The following TLE6 variants were observed in gnomAD, a reference collection of about 807,000 sequenced individuals.
TLE6 encodes the protein transducin-like enhancer protein 6.
TLE6 carries 72 observed loss-of-function variants against 77.1 expected under a neutral mutation model. That is an observed-to-expected ratio of 0.93 (90% CI 0.77 to 1.14). The LOEUF is 1.14. Among genes scored for constraint, TLE6 ranks in the 50% most tolerant of loss-of-function variants. The probability of loss-of-function intolerance (pLI) is 0.00; values close to 1 mark genes in which losing one functional copy is unlikely to be tolerated. For synonymous variants in TLE6, 366 were observed against 287.3 expected (o/e 1.27, Z -2.77); for missense variants, 843 against 747.6 (o/e 1.13, Z -1.49).
rs755562689 is a variant in TLE6 at position 2,989,348 on chromosome 19, T to C, written c.993+35T>C. On this transcript the variant is annotated intron_variant, in intron 12 of 16. Coordinates refer to ENST00000246112, the MANE Select transcript of TLE6 (RefSeq NM_001143986.2). Reference sequence around the variant, plus strand: ...GCCTTGGTTTCCAGGGATGCAGGGCTTCTGGGAACAGGGGGTTTGAGGTTT... The same window carrying C: ...GCCTTGGTTTCCAGGGATGCAGGGCCTCTGGGAACAGGGGGTTTGAGGTTT... 5 of 1,607,066 alleles carry C rather than the reference T, an allele frequency of 3.1e-6. No individual in the cohort carries two copies. The East Asian group carries it at 6.7e-5, about 22-fold the overall frequency.
intron 8 of TLE6, 127 bp downstream of exon 8, chr19:2,987,499 C>CGG (rs1234766183): frequency 7.1e-7 from 1 of 1,409,950 alleles, no homozygotes; most frequent in Admixed American, 1.7e-5. Context: ...TCGGGTCCCC[C>CGG]GGGGGGGACT....
At chr19:2,988,544 G>A (rs1427400876) in intron 11 of TLE6, among the ~76,000 whole-genome samples, 1 of 152,088 alleles carries the variant, frequency 6.6e-6, no homozygotes, top group African/African-American at 2.4e-5. Context: ...GTTGCAGTGA[G>A]TTGAGATCGC....
chr19:2,983,673 T>G (rs1048973281), intron 5 of TLE6, among the ~76,000 whole-genome samples: 1 of 151,382 alleles, frequency 6.6e-6, no homozygotes, highest in African/African-American at 2.4e-5. Flanking sequence ...CAGGGAGGAC[T>G]TGGGCTTTGA....
rs2145046477 is a variant in TLE6, at chr19:2,988,174, G to A, written c.740+46G>A. On this transcript the variant is annotated intron_variant, in intron 11 of 16. Coordinates refer to ENST00000246112, the MANE Select transcript of TLE6 (RefSeq NM_001143986.2). ...CTTTTGGGCGGGGTGAGGGGCAGCG[G>A]GAATTCCTTCCTGTCTATACCTCTG... 1.9e-6 allele frequency: 3 copies of A among 1,539,362 alleles called. No individual in the cohort carries two copies. The East Asian group carries it at 7.3e-5, about 38-fold the overall frequency.
In TLE6 at chr19:2,978,277, G is replaced by C; in HGVS notation, c.44G>C (p.Ser15Thr). ...DQPRPKGPPK[S>T]TSPCPGISNS... Reference sequence around the variant, plus strand: ...CCCAGACCCAAGGGCCCCCCGAAAAGCACTTCGGTGAGGAGGGCATGTGGT... The same window carrying C: ...CCCAGACCCAAGGGCCCCCCGAAAACCACTTCGGTGAGGAGGGCATGTGGT... Residue 15 changes from serine to threonine, a missense_variant, in exon 2 of 17, where the codon AGC becomes ACC. Ser to Thr is a moderately conservative substitution (Grantham distance 58). Coordinates refer to ENST00000246112, the MANE Select transcript of TLE6 (RefSeq NM_001143986.2). The C allele has an allele frequency of 2.6e-6, 4 of 1,551,462 alleles. No individual in the cohort carries two copies. The highest frequency in any genetic ancestry group is 3.5e-6 in the Non-Finnish European group (4 of 1,146,974).
At chr19:2,978,754 A>T (rs2088731440) in intron 2 of TLE6, among the ~76,000 whole-genome samples, 1 of 151,310 alleles carries the variant, frequency 6.6e-6, no homozygotes, top group African/African-American at 2.4e-5. Context: ...GATCCCATCT[A>T]AAAAAAAATG....
chr19:2,978,409 C>A (rs975842697), intron 2 of TLE6, 125 bp downstream of exon 2: 7 of 897,188 alleles, frequency 7.8e-6, no homozygotes, highest in South Asian at 3.1e-5. Context: ...CAATACTGGT[C>A]GCTGCTACAC....
rs2088798393 is a variant in TLE6 at position 2,981,560 on chromosome 19, G to A, written c.157G>A (p.Glu53Lys). Residue 53 changes from glutamate (E) to lysine (K), a missense_variant, in exon 4 of 17, where the codon GAG becomes AAG. Transcript: ENST00000246112. Reference sequence around the variant, plus strand: ...CAGGTTTTCTCCTCATTTTGCTGCGGAGTTGGAGAGCATTTACTACTCGGT... The same window carrying A: ...CAGGTTTTCTCCTCATTTTGCTGCGAAGTTGGAGAGCATTTACTACTCGGT... Reference protein sequence around the residue: ...FPRFSPHFAAELESIYYSLHK... With the variant: ...FPRFSPHFAAKLESIYYSLHK... The A allele has an allele frequency of 1.3e-6, 2 of 1,551,466 alleles. No individual in the cohort carries two copies. The highest frequency in any genetic ancestry group is 3.9e-5 in the Admixed American group (2 of 50,954).
intron 3 of TLE6, among the ~76,000 whole-genome samples, chr19:2,980,738 T>TAA (rs751491532): frequency 6.4e-4 from 68 of 106,332 alleles, no homozygotes; most frequent in African/African-American, 1.9e-3. Flanking sequence ...ACTCGGTCTT[T>TAA]AAAAAAAAAA....
intron 3 of TLE6, 111 bp downstream of exon 3, chr19:2,980,293 C>T (rs2088772129): frequency 3.7e-6 from 3 of 821,438 alleles, no homozygotes; most frequent in Non-Finnish European, 3.8e-6. Flanking sequence ...AAGAGCCAGG[C>T]TCAGGAACAG....
intron 5 of TLE6, among the ~76,000 whole-genome samples, chr19:2,983,509 TATTTCAGGC>T (rs1351038632): frequency 6.6e-6 from 1 of 152,066 alleles, no homozygotes; most frequent in African/African-American, 2.4e-5. Flanking sequence ...ATGGGAGGGA[TATTTCAGGC>T]AGAGGGCACA....
intron 2 of TLE6, among the ~76,000 whole-genome samples, chr19:2,979,227 T>C (rs577675117): frequency 6.6e-6 from 1 of 151,290 alleles, no homozygotes; most frequent in South Asian, 2.1e-4. Flanking sequence ...GCTGGGGTTA[T>C]AGGTGTGAGC....
rs2089072592 is a variant in TLE6, at chr19:2,991,837, G to A, written c.1245-6G>A. The A allele has an allele frequency of 1.2e-6, 2 of 1,613,546 alleles. No individual in the cohort carries two copies. Among genetic ancestry groups the A allele is most frequent in the Non-Finnish European group, 1.7e-6 (2 of 1,179,726 alleles). ...CTGATTGCCTCCCGATGTCCCTTCT[G>A]GCCAGGGACCTCAAGGGTTATCCTG... On this transcript the variant is annotated splice_polypyrimidine_tract_variant and splice_region_variant and intron_variant, in intron 13 of 16. Coordinates refer to ENST00000246112, the MANE Select transcript of TLE6 (RefSeq NM_001143986.2).
At chr19:2,991,047 TGTATAC>T (rs2089043319) in intron 13 of TLE6, among the ~76,000 whole-genome samples, 1 of 129,664 alleles carries the variant, frequency 7.7e-6, no homozygotes. Flanking sequence ...CATACATATA[TGTATAC>T]ACACACACAT....
rs1216312443 is a variant in TLE6 at position 2,990,282 on chromosome 19, T to C, written c.1244+497T>C. ...TTTATTTAATAAAAATTAAATAGAA[T>C]TTTTATATAGTCTATTTAAAAATAT... On this transcript the variant is annotated intron_variant, in intron 13 of 16. Transcript: ENST00000246112. 2.0e-5 allele frequency among the ~76,000 whole-genome samples: 3 copies of C among 151,824 alleles called. No individual in the cohort carries two copies. In the South Asian group the frequency reaches 6.2e-4, roughly 31 times the overall value.
Position 2,985,026 on chromosome 19 carries a change from A to C in TLE6, c.223-1803A>C, listed in dbSNP as rs145643343. 3.4e-3 allele frequency among the ~76,000 whole-genome samples: 510 copies of C among 151,644 alleles called. 10 individuals carry two copies. Among genetic ancestry groups the C allele is most frequent in the East Asian group, 0.033 (167 of 5,032 alleles). Reference sequence around the variant, plus strand: ...AGCACTTTGGGAGGCTGAGGTGGGCAGATCACCTGACGTCAGGAGTTCGAG... The same window carrying C: ...AGCACTTTGGGAGGCTGAGGTGGGCCGATCACCTGACGTCAGGAGTTCGAG... On this transcript the variant is annotated intron_variant, in intron 5 of 16. Coordinates refer to ENST00000246112, the MANE Select transcript of TLE6 (RefSeq NM_001143986.2).
chr19:2,977,662 G>C (rs994939557), intron 1 of TLE6, 52 bp downstream of exon 1: 1 of 153,316 alleles, frequency 6.5e-6, no homozygotes, highest in African/African-American at 2.4e-5. Context: ...GGGACTCCAG[G>C]ATTCCCGGCC....
rs533422953 is a variant in TLE6, at chr19:2,979,068, C to T, written c.51+784C>T. On this transcript the variant is annotated intron_variant, in intron 2 of 16. Coordinates refer to ENST00000246112, the MANE Select transcript of TLE6 (RefSeq NM_001143986.2). ...CCGGGTTCAAGTGATTCTCCTGCCT[C>T]GCCTCCCGAGTAGCTGGGACTACAA... Among the ~76,000 whole-genome samples the T allele has an allele frequency of 1.8e-4, 27 of 150,768 alleles. No homozygotes were observed. The South Asian group carries it at 4.4e-3, about 25-fold the overall frequency.
Position 2,989,068 on chromosome 19 carries a change from G to T in TLE6, c.748G>T (p.Asp250Tyr). The change falls in exon 12 of 17, where the codon GAC becomes TAC. Residue 250 changes from aspartate to tyrosine, a missense_variant. Coordinates refer to ENST00000246112, the MANE Select transcript of TLE6 (RefSeq NM_001143986.2). Reference protein sequence around the residue: ...ASRFLQSISWDPEDFEDAWKR... With the variant: ...ASRFLQSISWYPEDFEDAWKR... ...AAGGCCTCCCCTCCCAAGATCCTGGGACCCTGAGGACTTTGAAGATGCATG... is the reference window on the plus strand; with the variant it reads ...AAGGCCTCCCCTCCCAAGATCCTGGTACCCTGAGGACTTTGAAGATGCATG... 1 of 1,613,364 alleles carries T rather than the reference G, an allele frequency of 6.2e-7. No homozygotes were observed. The highest frequency in any genetic ancestry group is 8.5e-7 in the Non-Finnish European group (1 of 1,179,426).
Sources: gnomAD v4.1 joint callset for allele counts (sites outside exome capture counted in the v4.1 genomes callset) on GRCh38, gnomAD v4.1.1 for gene constraint, MANE v1.5 for transcripts, NCBI Gene and HGNC (gene_info 2026-07-23, HGNC 2026-07-21) for gene names.